Variants in OR2L13 observed in about 807,000 individuals in gnomAD.
OR2L13 encodes olfactory receptor 2L13.
A neutral mutation model predicts 15.3 loss-of-function variants in OR2L13; 14 were observed. The ratio of observed to expected loss-of-function variants is 0.91; its 90% CI spans 0.60 to 1.43. The LOEUF (loss-of-function observed/expected upper bound fraction) is 1.43, where lower values mean the gene tolerates loss of function less well. Ranked by LOEUF, OR2L13 falls within the 40% of genes most tolerant of loss-of-function variation. The pLI is 0.00. For missense variants in OR2L13, 367 were observed against 387.9 expected, an observed-to-expected ratio of 0.95 and a Z score of 0.45; for synonymous variants, 152 against 142.9, an observed-to-expected ratio of 1.06 and a Z score of -0.45.
chr1:247,961,471 G>C, the OR2L13 span, among the ~76,000 whole-genome samples: 1 of 152,172 alleles, frequency 6.6e-6, no homozygotes, highest in Non-Finnish European at 1.5e-5. Flanking sequence ...TGTTTGTAAG[G>C]CTTGTGATGG....
At chr1:247,990,418 A>G in the OR2L13 span, 64 of 1,584,978 alleles carry the variant, frequency 4.0e-5, no homozygotes, top group Non-Finnish European at 4.1e-5. Context: ...ATCTTCTTGG[A>G]CATCCATCTC....
the OR2L13 span, among the ~76,000 whole-genome samples, chr1:248,036,533 T>C: frequency 2.0e-5 from 3 of 151,860 alleles, no homozygotes; most frequent in Non-Finnish European, 1.5e-5. Flanking sequence ...TGTTCATCTT[T>C]GTGTGTGTGT....
At chr1:247,967,045 C>CCACACACACACACACACA in the OR2L13 span, among the ~76,000 whole-genome samples, 15,259 of 147,268 alleles carry the variant, frequency 0.1, 971 homozygotes, top group Middle Eastern at 0.14. Flanking sequence ...ACACCACACA[C>CCACACACACACACACACA]CACACACACA....
chr1:248,069,685 G>C, the OR2L13 span, among the ~76,000 whole-genome samples: 1 of 152,038 alleles, frequency 6.6e-6, no homozygotes, highest in Non-Finnish European at 1.5e-5. Flanking sequence ...CTGGCAAATT[G>C]GATAAAGAGT....
chr1:247,994,259 T>A, the OR2L13 span, among the ~76,000 whole-genome samples: 5 of 151,932 alleles, frequency 3.3e-5, no homozygotes, highest in Non-Finnish European at 7.4e-5. Context: ...TAGCCGGGCG[T>A]GGTGGCGGGC....
At chr1:248,022,210 A>G in the OR2L13 span, 1 of 1,614,116 alleles carries the variant, frequency 6.2e-7, no homozygotes, top group Non-Finnish European at 8.5e-7. Context: ...CTGTATGGAA[A>G]CAAGTCTATC....
At chr1:247,948,788 A>C in the OR2L13 span, 2 of 1,307,234 alleles carry the variant, frequency 1.5e-6, no homozygotes, top group East Asian at 2.3e-5. Flanking sequence ...CATCCCCTGC[A>C]GATAAGGGCG....
chr1:248,013,837 A>C, the OR2L13 span: 1 of 152,170 alleles, frequency 6.6e-6, no homozygotes, highest in Admixed American at 6.5e-5. Flanking sequence ...ATCGAACTGA[A>C]GTTTGAGCAC....
chr1:247,975,235 C>A, the OR2L13 span: 1 of 410,050 alleles, frequency 2.4e-6, no homozygotes, highest in South Asian at 2.0e-5. Flanking sequence ...CCCCATATCC[C>A]TGTTGCTCAG....
chr1:248,038,580 A>G, the OR2L13 span: 1 of 1,614,086 alleles, frequency 6.2e-7, no homozygotes, highest in African/African-American at 1.3e-5. Context: ...CTTCTTCTTG[A>G]CTTTAGCAGT....
chr1:247,957,426 T>G, the OR2L13 span, among the ~76,000 whole-genome samples: 1 of 152,106 alleles, frequency 6.6e-6, no homozygotes, highest in Non-Finnish European at 1.5e-5. Flanking sequence ...TGTCTCTGCC[T>G]GGCTTTGGTA....
the OR2L13 span, among the ~76,000 whole-genome samples, chr1:248,031,167 T>TA: frequency 1.8e-4 from 28 of 152,336 alleles, no homozygotes; most frequent in Non-Finnish European, 3.5e-4. Context: ...AGATGTATAA[T>TA]AAATATCCTC....
chr1:247,959,967 G>T, the OR2L13 span, among the ~76,000 whole-genome samples: 1 of 152,146 alleles, frequency 6.6e-6, no homozygotes, highest in African/African-American at 2.4e-5. Flanking sequence ...GTCCAGCTTT[G>T]TTCCATTGCT....
At chr1:248,007,064 C>A in the OR2L13 span, among the ~76,000 whole-genome samples, 1 of 152,132 alleles carries the variant, frequency 6.6e-6, no homozygotes, top group Non-Finnish European at 1.5e-5. Context: ...CAGTTCAGAC[C>A]CTTTACCCTT....
intron 1 of OR2L13, among the ~76,000 whole-genome samples, chr1:248,097,967 A>G (rs1664772077): frequency 6.6e-6 from 1 of 152,214 alleles, no homozygotes; most frequent in African/African-American, 2.4e-5. Context: ...CAACATGTTA[A>G]TCTGATAAAA....
At chr1:248,082,893 A>AT in the OR2L13 span, among the ~76,000 whole-genome samples, 1 of 152,344 alleles carries the variant, frequency 6.6e-6, no homozygotes, top group Non-Finnish European at 1.5e-5. Context: ...CTATGTCCAT[A>AT]AGTCAAGGTA....
the OR2L13 span, chr1:248,042,096 G>C: frequency 8.6e-5 from 13 of 152,040 alleles, no homozygotes; most frequent in African/African-American, 2.7e-4. Flanking sequence ...CAAAGACTTG[G>C]AACCAACCCA....
chr1:247,947,559 T>C, the OR2L13 span, among the ~76,000 whole-genome samples: 149,838 of 152,266 alleles, frequency 0.98, 73,778 homozygotes, highest in East Asian at 1. Context: ...GGCAATTGCA[T>C]GCTCCTCCAA....
chr1:247,973,134 A>C, the OR2L13 span, among the ~76,000 whole-genome samples: 2 of 152,206 alleles, frequency 1.3e-5, no homozygotes, highest in African/African-American at 4.8e-5. Flanking sequence ...TCTCAAATTA[A>C]TAAAAGCTAT....
Sources: allele counts gnomAD v4.1 joint callset (sites outside exome capture counted in the v4.1 genomes callset), GRCh38; gene constraint gnomAD v4.1.1; transcripts MANE v1.5; gene names NCBI Gene and HGNC (gene_info 2026-07-23, HGNC 2026-07-21).